The following HDAC5 variants were observed in gnomAD, a reference collection of about 807,000 sequenced individuals.
HDAC5 encodes histone deacetylase 5.
A neutral mutation model predicts 133.3 loss-of-function variants in HDAC5; 25 were observed. The ratio of observed to expected loss-of-function variants is 0.19; its 90% confidence interval spans 0.14 to 0.26. HDAC5 has a LOEUF of 0.26. HDAC5 is among the 10% of genes least tolerant of loss of function. The pLI is 1.00. For synonymous variants in HDAC5, 589 were observed against 610.8 expected (o/e 0.96, Z 0.53); for missense variants, 1,041 against 1,460.5 (o/e 0.71, Z 4.68).
chr17:44,117,766 C>A lies in HDAC5; in HGVS notation c.-189-62G>T. ...TCAGGAATCTGAGAGTCGAAGGAGA[C>A]CTTGGAGCTCATCAGTTTGTACCTG... On this transcript the variant is annotated intron_variant, in intron 1 of 26. Coordinates refer to ENST00000682912, the MANE Select transcript of HDAC5 (RefSeq NM_005474.5). This position sits in a 1 kb window ranked among gnomAD's most constrained non-coding sequence, Gnocchi z 4.2. The A allele has an allele frequency of 1.7e-6, 1 of 596,662 alleles. No homozygotes were observed. The highest frequency in any genetic ancestry group is 3.0e-6 in the Non-Finnish European group (1 of 333,522). The allele number at this position is 596,662 out of a possible 1,614,324, so 37.0% of individuals were successfully genotyped here.
intron 20 of HDAC5, 195 bp downstream of exon 20, chr17:44,082,390 G>C: frequency 8.4e-6 from 5 of 596,098 alleles, no homozygotes; most frequent in Non-Finnish European, 1.5e-5. Flanking sequence ...TAGTTGAGGA[G>C]GGAGCCCTGT....
chr17:44,092,269 T>C lies in HDAC5; in HGVS notation c.935A>G (p.Asn312Ser). ...GCTGGGGCCGGAGCCGGGTGCGCTG[T>C]TACACACGGACGACGCTATAGGAGA... ...GAGPGASSVC[N>S]SAPGSGPSSP... The change falls in exon 9 of 27, where the codon AAC becomes AGC. Residue 312 changes from asparagine to serine, a missense_variant. By Grantham distance (46) the Asn-to-Ser change is conservative. Transcript: ENST00000682912. The C allele has an allele frequency of 6.2e-7, 1 of 1,613,986 alleles. No homozygotes were observed. Among genetic ancestry groups the C allele is most frequent in the Middle Eastern group, 1.6e-4 (1 of 6,062 alleles).
chr17:44,102,750 T>G (rs2051697535), intron 3 of HDAC5, among the ~76,000 whole-genome samples: 1 of 147,120 alleles, frequency 6.8e-6, no homozygotes, highest in Non-Finnish European at 1.5e-5. Context: ...CACTGCAACC[T>G]CCGCCTCCTG....
rs1024614751 is a variant in HDAC5, at chr17:44,093,699, T to C, written c.230A>G (p.Gln77Arg). Residue 77 changes from glutamine to arginine, a missense_variant, in exon 4 of 27, where the codon CAG becomes CGG. Around this residue, in one of 9 missense-constraint regions of HDAC5, gnomAD observed 109 missense variants for 168.0 expected, o/e 0.65. Coordinates refer to ENST00000682912, the MANE Select transcript of HDAC5 (RefSeq NM_005474.5). ...VDPTLREQQLQQELLALKQQQ... is the reference protein window; with the variant it reads ...VDPTLREQQLRQELLALKQQQ... ...CTGCTTGAGCGCCAGGAGCTCCTGCTGCAGTTGCTGCTCCCGCAGTGTGGG... is the reference window on the plus strand; with the variant it reads ...CTGCTTGAGCGCCAGGAGCTCCTGCCGCAGTTGCTGCTCCCGCAGTGTGGG... The C allele has an allele frequency of 1.2e-6, 2 of 1,607,092 alleles. No individual in the cohort carries two copies. Among genetic ancestry groups the C allele is most frequent in the African/African-American group, 1.3e-5 (1 of 74,832 alleles).
At chr17:44,079,950 G>A (rs187940808) in intron 23 of HDAC5, among the ~76,000 whole-genome samples, 157 bp downstream of exon 23, 12 of 152,216 alleles carry the variant, frequency 7.9e-5, no homozygotes, top group Admixed American at 7.2e-4. Context: ...GGTTGGCAGA[G>A]GACAAGTTGG....
At chr17:44,081,351 G>A (rs1162411530) in intron 20 of HDAC5, among the ~76,000 whole-genome samples, 1 of 151,910 alleles carries the variant, frequency 6.6e-6, no homozygotes, top group Non-Finnish European at 1.5e-5. Flanking sequence ...CCGGGTTCAA[G>A]CGATTCTCCT....
In HDAC5 at chr17:44,123,547, AGCGGCGGCG is replaced by A; in HGVS notation, c.-242_-234del. 2.5e-6 allele frequency: 1 copy of A among 400,004 alleles called. No individual in the cohort carries two copies. The highest frequency in any genetic ancestry group is 3.6e-5 in the East Asian group (1 of 28,012). 24.8% of individuals were successfully genotyped at this position (400,004 alleles called of 1,614,324 possible). ...CGGCTTCGCGGGCGGCGGCGGCAGC[AGCGGCGGCG>A]GCAGCGGCGGCAGCACCTCCTCGAC... On this transcript the variant is annotated 5_prime_UTR_variant, in exon 1 of 27. Transcript: ENST00000682912.
At position 44,091,455 on chromosome 17, in the gene HDAC5, C is replaced by T. The variant is rs1234464474; in HGVS notation, c.1202G>A (p.Arg401Lys). The change falls in exon 11 of 27, where the codon AGG (arginine) becomes AAG (lysine). Residue 401 changes from arginine (R) to lysine (K), a missense_variant. Arg to Lys is a conservative substitution (Grantham distance 26). Transcript: ENST00000682912. Reference protein sequence around the residue: ...PKLSTQQEAERQALQSLRQGG... With the variant: ...PKLSTQQEAEKQALQSLRQGG... ...CTGCCGCAGGGACTGGAGGGCCTGC[C>T]TCTCGGCCTCCTGCTGTGTCGACAG... The T allele has an allele frequency of 6.5e-7, 1 of 1,545,498 alleles. No homozygotes were observed. The highest frequency in any genetic ancestry group is 2.0e-5 in the Admixed American group (1 of 50,962).
In HDAC5 at chr17:44,079,134, C is replaced by T; in HGVS notation, c.3078+10G>A. On this transcript the variant is annotated intron_variant, in intron 24 of 26. Transcript: ENST00000682912. ...GGCCTGCCACCTCCCAGCTCCTTCCCACCCCTTACCTCTACACTGAGCAGA... is the reference window on the plus strand; with the variant it reads ...GGCCTGCCACCTCCCAGCTCCTTCCTACCCCTTACCTCTACACTGAGCAGA... 1 of 1,607,176 alleles carries T rather than the reference C, an allele frequency of 6.2e-7. No homozygotes were observed. The highest frequency in any genetic ancestry group is 8.5e-7 in the Non-Finnish European group (1 of 1,174,974).
chr17:44,084,827 C>G (rs1257701990), intron 15 of HDAC5, 152 bp from the exon 16 acceptor site: 2 of 1,271,228 alleles, frequency 1.6e-6, no homozygotes, highest in African/African-American at 3.0e-5. Context: ...TGACCTTACT[C>G]CCGGATCCCC....
Position 44,115,466 on chromosome 17 carries a change from G to A in HDAC5, c.22+2028C>T, listed in dbSNP as rs548088225. ...CTTCCGCCGAGTTCCAAGGCATGTG[G>A]TTTCCAGGCTTCTGCCAGGCGCTGG... is the stretch of plus-strand genomic sequence containing the variant. On this transcript the variant is annotated intron_variant, in intron 2 of 26. Coordinates refer to ENST00000682912, the MANE Select transcript of HDAC5 (RefSeq NM_005474.5). 5.9e-5 allele frequency among the ~76,000 whole-genome samples: 9 copies of A among 152,326 alleles called. No individual in the cohort carries two copies. In the East Asian group the frequency reaches 1.7e-3, roughly 29 times the overall value.
In HDAC5 at chr17:44,117,972, G is replaced by T. The variant is rs919520491; in HGVS notation, c.-189-268C>A. ...TTCAGGTGAGTGTCTACTGCCAGCTGGGGAGACCCTATAGACTCCCAACAG... is the reference window on the plus strand; with the variant it reads ...TTCAGGTGAGTGTCTACTGCCAGCTTGGGAGACCCTATAGACTCCCAACAG... On this transcript the variant is annotated intron_variant, in intron 1 of 26. Coordinates refer to ENST00000682912, the MANE Select transcript of HDAC5 (RefSeq NM_005474.5). The surrounding 1 kb of genome is among the most constrained non-coding windows in gnomAD (Gnocchi z 4.2). Among the ~76,000 whole-genome samples, 3 of 152,182 alleles carry T rather than the reference G, an allele frequency of 2.0e-5. No homozygotes were observed. Among genetic ancestry groups the T allele is most frequent in the Non-Finnish European group, 2.9e-5 (2 of 68,032 alleles).
intron 3 of HDAC5, among the ~76,000 whole-genome samples, chr17:44,097,050 G>A (rs924791662): frequency 1.1e-4 from 16 of 152,352 alleles, no homozygotes; most frequent in Admixed American, 7.2e-4. Context: ...AGAGAGGGAG[G>A]TGGGAGGTAG....
chr17:44,122,072 TAGGG>T (rs1311827030), intron 1 of HDAC5, among the ~76,000 whole-genome samples: 1 of 152,026 alleles, frequency 6.6e-6, no homozygotes, highest in African/African-American at 2.4e-5. Context: ...GCTTTGTGTT[TAGGG>T]AGGGAGAGGA....
intron 3 of HDAC5, among the ~76,000 whole-genome samples, chr17:44,098,296 A>T (rs183097496): frequency 1.3e-5 from 2 of 152,316 alleles, no homozygotes; most frequent in South Asian, 2.1e-4. Flanking sequence ...AGCACCAAGC[A>T]CCTGGAAGGG....
chr17:44,092,218 A>G lies in HDAC5; in HGVS notation c.986T>C (p.Ile329Thr). The G allele has an allele frequency of 6.2e-7, 1 of 1,614,040 alleles. No individual in the cohort carries two copies. The highest frequency in any genetic ancestry group is 8.5e-7 in the Non-Finnish European group (1 of 1,179,980). The change falls in exon 9 of 27, where the codon ATC (isoleucine) becomes ACC (threonine). Residue 329 changes from isoleucine (I) to threonine (T), a missense_variant. Around this residue, in one of 9 missense-constraint regions of HDAC5, gnomAD observed 433 missense variants for 531.6 expected, o/e 0.81. Transcript: ENST00000682912. ...TGAGCCAGTAAAGCCATTCTCAGCG[A>G]TGGTGCTGTGGGAGCTGTTGGGAGA... is the stretch of plus-strand genomic sequence containing the variant. ...PSSPNSSHST[I>T]AENGFTGSVP...
In HDAC5 at chr17:44,108,772, A is replaced by C. The variant is rs898885557; in HGVS notation, c.94+1957T>G. On this transcript the variant is annotated intron_variant, in intron 3 of 26. Coordinates refer to ENST00000682912, the MANE Select transcript of HDAC5 (RefSeq NM_005474.5). Reference sequence around the variant, plus strand: ...AGTCCAAAAAAAAAACAAAAAAAAAACAAAAAAAAAACAAGGCTGCCGAGC... The same window carrying C: ...AGTCCAAAAAAAAAACAAAAAAAAACCAAAAAAAAAACAAGGCTGCCGAGC... 2.3e-3 allele frequency among the ~76,000 whole-genome samples: 336 copies of C among 143,184 alleles called. 4 individuals are homozygous for C. The highest frequency in any genetic ancestry group is 4.0e-3 in the Non-Finnish European group (267 of 67,042). The allele number at this position is 143,184 out of a possible 152,430, so 93.9% of individuals were successfully genotyped here. A position where few individuals can be genotyped will look rare whatever the true frequency, so the allele number is the denominator to read the frequency against.
rs2050989052 is a variant in HDAC5, at chr17:44,092,274, C to T, written c.930G>A (p.Val310=). Residue 310 remains valine, a synonymous_variant, in exon 9 of 27, where the codon GTG becomes GTA. Transcript: ENST00000682912. ...ITGAGPGASS[V]CNSAPGSGPS... The stretch of plus-strand genomic sequence containing the variant: ...GGCCGGAGCCGGGTGCGCTGTTACA[C>T]ACGGACGACGCTATAGGAGAAGTGG... 1 of 1,614,024 alleles carries T rather than the reference C, an allele frequency of 6.2e-7. No individual in the cohort carries two copies.
At chr17:44,123,337 C>G (rs1293280181) in intron 1 of HDAC5, 167 bp downstream of exon 1, 1 of 331,426 alleles carries the variant, frequency 3.0e-6, no homozygotes, top group Non-Finnish European at 5.5e-6. Flanking sequence ...GCTGCCGATG[C>G]TCCCGGGGGG....
Sources: gnomAD v4.1 joint callset for allele counts (sites outside exome capture counted in the v4.1 genomes callset) on GRCh38, gnomAD v4.1.1 for gene constraint, gnomAD v4.1.1 regional missense constraint, Gnocchi (gnomAD v3.1) non-coding constraint, MANE v1.5 for transcripts, NCBI Gene and HGNC (gene_info 2026-07-23, HGNC 2026-07-21) for gene names.